GPC6: variants seen among roughly 807,000 people sequenced by gnomAD.
GPC6 encodes the protein glypican 6.
GPC6 carries 14 observed loss-of-function variants against 55.2 expected under a neutral mutation model. That is an observed-to-expected ratio of 0.25 (90% CI 0.17 to 0.40). GPC6 has a LOEUF of 0.40. Ranked by LOEUF, GPC6 falls within the 10% of genes least tolerant of loss-of-function variation. The pLI is 1.00. For missense variants in GPC6, 641 were observed against 708.5 expected, an observed-to-expected ratio of 0.90 and a Z score of 1.08; for synonymous variants, 278 against 259.6, an observed-to-expected ratio of 1.07 and a Z score of -0.68.
chr13:94,325,089 C>A (rs190009443), intron 6 of GPC6, among the ~76,000 whole-genome samples: 1 of 151,748 alleles, frequency 6.6e-6, no homozygotes, highest in African/African-American at 2.4e-5. Flanking sequence ...TCTTCTTTGT[C>A]GTCCACAGTA....
intron 1 of GPC6, among the ~76,000 whole-genome samples, chr13:93,379,385 A>G (rs1246878329): frequency 1.3e-5 from 2 of 152,246 alleles, no homozygotes; most frequent in African/African-American, 2.4e-5. Flanking sequence ...ACTGATTCAT[A>G]TAAGAAATCT....
At chr13:94,354,768 G>A (rs984744053) in intron 6 of GPC6, among the ~76,000 whole-genome samples, 4 of 152,238 alleles carry the variant, frequency 2.6e-5, no homozygotes, top group African/African-American at 9.6e-5. Flanking sequence ...AAACCAAGCT[G>A]CAAGGCAGAG....
chr13:94,392,705 CCTCA>C (rs1880708692), intron 7 of GPC6, among the ~76,000 whole-genome samples: 1 of 110,936 alleles, frequency 9.0e-6, no homozygotes, highest in African/African-American at 3.7e-5. Context: ...GAACTCTCGA[CCTCA>C]GGTGATCCAC....
intron 4 of GPC6, among the ~76,000 whole-genome samples, chr13:94,191,685 A>G (rs1255707194): frequency 6.6e-6 from 1 of 151,950 alleles, no homozygotes; most frequent in Non-Finnish European, 1.5e-5. Flanking sequence ...TTCCATTTAT[A>G]TAAATCCAAT....
chr13:93,257,647 G>A (rs1877001510), intron 1 of GPC6, among the ~76,000 whole-genome samples: 1 of 151,974 alleles, frequency 6.6e-6, no homozygotes, highest in Non-Finnish European at 1.5e-5. Flanking sequence ...TTTCATCATA[G>A]GCATCATCAC....
chr13:93,897,340 AT>A (rs548986848), intron 3 of GPC6, among the ~76,000 whole-genome samples: 1 of 151,864 alleles, frequency 6.6e-6, no homozygotes, highest in Non-Finnish European at 1.5e-5. Flanking sequence ...TGTGTGTCAA[AT>A]TTTTTTTAAT....
intron 3 of GPC6, among the ~76,000 whole-genome samples, chr13:93,979,395 G>C (rs1427305848): frequency 6.7e-6 from 1 of 150,132 alleles, no homozygotes; most frequent in Non-Finnish European, 1.5e-5. Context: ...ACTACTCTTT[G>C]AGTTCTAAGG....
rs541502685 is a variant in GPC6 at position 93,756,157 on chromosome 13, G to C, written c.320-73997G>C. Among the ~76,000 whole-genome samples the C allele has an allele frequency of 2.0e-5, 3 of 152,252 alleles. No homozygotes were observed. The East Asian group carries it at 5.8e-4, about 29-fold the overall frequency. ...GAATCATCACTGGGATTCTACGTAG[G>C]CTCCACCATGGTGAGAACAGTGTGT... On this transcript the variant is annotated intron_variant, in intron 2 of 8. Transcript: ENST00000377047.
chr13:93,234,842 A>C (rs929014220), intron 1 of GPC6, among the ~76,000 whole-genome samples: 1 of 152,180 alleles, frequency 6.6e-6, no homozygotes, highest in Non-Finnish European at 1.5e-5. Flanking sequence ...AAAACTCAAT[A>C]TCATTAAACC....
chr13:93,472,713 A>G (rs1027450328), intron 1 of GPC6, among the ~76,000 whole-genome samples: 1 of 152,158 alleles, frequency 6.6e-6, no homozygotes, highest in Non-Finnish European at 1.5e-5. Flanking sequence ...TCTCTTTGCA[A>G]TGTGTTGAGA....
chr13:93,882,680 T>G (rs1875069099), intron 3 of GPC6, among the ~76,000 whole-genome samples: 1 of 152,182 alleles, frequency 6.6e-6, no homozygotes, highest in Non-Finnish European at 1.5e-5. Flanking sequence ...ATAGAACATT[T>G]TTTAAAAGAT....
chr13:94,114,897 A>G (rs954490964), intron 4 of GPC6, among the ~76,000 whole-genome samples: 1 of 152,172 alleles, frequency 6.6e-6, no homozygotes, highest in Admixed American at 6.5e-5. Flanking sequence ...CAGGTTTAGA[A>G]AACGAGACAT....
chr13:93,998,744 C>T (rs927815574), intron 3 of GPC6, among the ~76,000 whole-genome samples: 2 of 151,726 alleles, frequency 1.3e-5, no homozygotes, highest in Non-Finnish European at 2.9e-5. Flanking sequence ...TTATATACAG[C>T]ATGATGTTTT....
At chr13:93,731,746 T>C (rs900126123) in intron 2 of GPC6, among the ~76,000 whole-genome samples, 2 of 152,082 alleles carry the variant, frequency 1.3e-5, no homozygotes, top group Non-Finnish European at 2.9e-5. Context: ...AAATATGGAA[T>C]ATTCACATAA....
At chr13:93,669,634 C>A (rs1881279214) in intron 2 of GPC6, among the ~76,000 whole-genome samples, 1 of 152,024 alleles carries the variant, frequency 6.6e-6, no homozygotes, top group African/African-American at 2.4e-5. Context: ...TTTATTCATG[C>A]AGGAAGTGGG....
At chr13:93,231,256 T>C (rs1301468201) in intron 1 of GPC6, among the ~76,000 whole-genome samples, 1 of 149,514 alleles carries the variant, frequency 6.7e-6, no homozygotes, top group African/African-American at 2.5e-5. Flanking sequence ...CCTTACAGTA[T>C]TAAACATTCA....
At chr13:94,110,062 T>TAA (rs78404632) in intron 4 of GPC6, among the ~76,000 whole-genome samples, 3,338 of 84,524 alleles carry the variant, frequency 0.039, 54 homozygotes, top group Admixed American at 0.058. Context: ...CACCCTGGAC[T>TAA]AAAAAAAAAA....
At chr13:93,863,771 G>A (rs746890475) in intron 3 of GPC6, among the ~76,000 whole-genome samples, 1 of 151,636 alleles carries the variant, frequency 6.6e-6, no homozygotes, top group Non-Finnish European at 1.5e-5. Context: ...AGACAAATGA[G>A]TCTAGTCCTC....
At chr13:93,743,820 G>T (rs959431463) in intron 2 of GPC6, among the ~76,000 whole-genome samples, 3 of 151,842 alleles carry the variant, frequency 2.0e-5, no homozygotes, top group African/African-American at 4.8e-5. Context: ...AATATCCCTT[G>T]CTTTCATTGG....
Sources: allele counts gnomAD v4.1 joint callset (sites outside exome capture counted in the v4.1 genomes callset), GRCh38; gene constraint gnomAD v4.1.1; transcripts MANE v1.5; gene names NCBI Gene and HGNC (gene_info 2026-07-23, HGNC 2026-07-21).